PAPSS2: variants seen among roughly 807,000 people sequenced by gnomAD.
PAPSS2 encodes the protein 3'-phosphoadenosine 5'-phosphosulfate synthase 2.
Under a neutral mutation model 66.5 loss-of-function variants are expected in PAPSS2, and 61 were observed. That is an observed-to-expected ratio of 0.92 (90% CI 0.75 to 1.14). The LOEUF (loss-of-function observed/expected upper bound fraction) is 1.14. Ranked by LOEUF, PAPSS2 falls within the 50% of genes most tolerant of loss-of-function variation. PAPSS2 has a pLI of 0.00. For synonymous variants in PAPSS2, 289 were observed against 287.5 expected (o/e 1.01, Z -0.05); for missense variants, 708 against 789.6 (o/e 0.90, Z 1.24).
At chr10:87,699,341 T>G (rs565915534) in intron 1 of PAPSS2, among the ~76,000 whole-genome samples, 1 of 152,312 alleles carries the variant, frequency 6.6e-6, no homozygotes, top group South Asian at 2.1e-4. Flanking sequence ...CAGGCCGGAG[T>G]GCAATGGTGC....
Position 87,727,394 on chromosome 10 carries a change from G to A in PAPSS2, c.991G>A (p.Ala331Thr). Reference sequence around the variant, plus strand: ...CCTGGCACATGGTGGACGGAGGGTAGCTATCTTACGAGACGCTGAATTCTA... The same window carrying A: ...CCTGGCACATGGTGGACGGAGGGTAACTATCTTACGAGACGCTGAATTCTA... ...FVLAHGGRRV[A>T]ILRDAEFYEH... The change falls in exon 9 of 13, where the codon GCT becomes ACT. Residue 331 changes from alanine to threonine, a missense_variant. Ala to Thr is a moderately conservative substitution (Grantham distance 58, BLOSUM62 0). Coordinates refer to ENST00000456849, the MANE Select transcript of PAPSS2 (RefSeq NM_001015880.2). The A allele has an allele frequency of 6.2e-7, 1 of 1,614,094 alleles. No homozygotes were observed. Among genetic ancestry groups the A allele is most frequent in the Non-Finnish European group, 8.5e-7 (1 of 1,179,994 alleles).
At position 87,734,661 on chromosome 10, in the gene PAPSS2, GTGTATATATATATATA is replaced by G. The variant is rs1416281494; in HGVS notation, c.1087-6572_1087-6557del. Among the ~76,000 whole-genome samples, 20 of 90,382 alleles carry G rather than the reference GTGTATATATATATATA, an allele frequency of 2.2e-4. No homozygotes were observed. In the East Asian group the frequency reaches 4.2e-3, roughly 19 times the overall value. The allele number at this position is 90,382 out of a possible 152,430, so 59.3% of individuals were successfully genotyped here. ...ACTGATAGCACAGAAATGAATGTGT[GTGTATATATATATATA>G]TATATATATATATATATATATATAT... On this transcript the variant is annotated intron_variant, in intron 9 of 12. Coordinates refer to ENST00000456849, the MANE Select transcript of PAPSS2 (RefSeq NM_001015880.2).
In PAPSS2 at chr10:87,660,225, G is replaced by A; in HGVS notation, c.27+217G>A. 8.1e-6 allele frequency: 5 copies of A among 614,894 alleles called. No individual in the cohort carries two copies. The South Asian group carries it at 9.7e-5, about 12-fold the overall frequency. 38.1% of individuals were successfully genotyped at this position (614,894 alleles called of 1,614,324 possible). On this transcript the variant is annotated intron_variant, in intron 1 of 12. Transcript: ENST00000456849. ...AGCCCCTCTCCACCCCGCGACTCTG[G>A]GAATCTGCGCTCCTTGGGGTCGCCG...
chr10:87,744,945 C>T (rs1277194758), intron 11 of PAPSS2, 57 bp from the exon 12 acceptor site: 2 of 1,452,600 alleles, frequency 1.4e-6, no homozygotes, highest in Non-Finnish European at 1.9e-6. Context: ...CTCCATAAAC[C>T]ATGACCTACA....
intron 9 of PAPSS2, among the ~76,000 whole-genome samples, chr10:87,729,911 G>T (rs935037286): frequency 6.6e-6 from 1 of 152,084 alleles, no homozygotes; most frequent in South Asian, 2.1e-4. Context: ...CAGGAGAATC[G>T]CTTGAACCCA....
intron 1 of PAPSS2, among the ~76,000 whole-genome samples, chr10:87,700,289 G>A (rs1472265327): frequency 1.3e-5 from 2 of 152,116 alleles, no homozygotes; most frequent in South Asian, 2.1e-4. Flanking sequence ...TTTTATGTTC[G>A]CAACAAAACT....
chr10:87,662,783 A>G (rs1008128701), intron 1 of PAPSS2, among the ~76,000 whole-genome samples: 1 of 152,214 alleles, frequency 6.6e-6, no homozygotes, highest in Admixed American at 6.5e-5. Context: ...ATCAAATAGG[A>G]AAACAATTGG....
At chr10:87,698,121 G>A (rs538496317) in intron 1 of PAPSS2, among the ~76,000 whole-genome samples, 10 of 151,978 alleles carry the variant, frequency 6.6e-5, no homozygotes, top group Admixed American at 3.9e-4. Context: ...CTTTGTCATC[G>A]TTGTTGCAAT....
chr10:87,725,538 T>C (rs4934367), intron 8 of PAPSS2, among the ~76,000 whole-genome samples: 79,053 of 152,022 alleles, frequency 0.52, 21,780 homozygotes, highest in East Asian at 0.71. Flanking sequence ...TGTGGTTGCG[T>C]TAGCAAGACC....
At position 87,734,520 on chromosome 10, in the gene PAPSS2, C is replaced by CTG. The variant is rs748094658; in HGVS notation, c.1087-6712_1087-6711dup. Reference sequence around the variant, plus strand: ...GGGTCTTGGCTTTGGTAAGAAAGCTCTGTGCACTTGAACTCTGCCACTTCC... The same window carrying CTG: ...GGGTCTTGGCTTTGGTAAGAAAGCTCTGTGTGCACTTGAACTCTGCCACTTCC... On this transcript the variant is annotated intron_variant, in intron 9 of 12. Transcript: ENST00000456849. Among the ~76,000 whole-genome samples, 386 of 151,828 alleles carry CTG rather than the reference C, an allele frequency of 2.5e-3. 1 individual carries two copies. The highest frequency in any genetic ancestry group is 4.3e-3 in the Non-Finnish European group (291 of 67,942).
At chr10:87,688,193 AT>A (rs1853112569) in intron 1 of PAPSS2, among the ~76,000 whole-genome samples, 1 of 151,988 alleles carries the variant, frequency 6.6e-6, no homozygotes. Context: ...AATATATAAT[AT>A]TCTAGTTAAA....
intron 1 of PAPSS2, among the ~76,000 whole-genome samples, chr10:87,663,106 CTTTTTTTTTT>C (rs1184871976): frequency 1.5e-5 from 1 of 67,606 alleles, no homozygotes; most frequent in African/African-American, 6.5e-5. Flanking sequence ...GAAGTAGCCA[CTTTTTTTTTT>C]TTTTTTTTTT....
At chr10:87,729,581 A>G (rs576585446) in intron 9 of PAPSS2, among the ~76,000 whole-genome samples, 1 of 152,176 alleles carries the variant, frequency 6.6e-6, no homozygotes, top group African/African-American at 2.4e-5. Flanking sequence ...AGATCCAACA[A>G]TATTTGAATT....
At chr10:87,724,070 A>AT in intron 8 of PAPSS2, among the ~76,000 whole-genome samples, 1 of 152,294 alleles carries the variant, frequency 6.6e-6, no homozygotes, top group Admixed American at 6.5e-5. Flanking sequence ...TGTGAGTATA[A>AT]TTGAGAGAAT....
In PAPSS2 at chr10:87,715,827, T is replaced by C. The variant is rs529851319; in HGVS notation, c.849T>C (p.Phe283=). 1.9e-5 allele frequency: 30 copies of C among 1,590,980 alleles called. No individual in the cohort carries two copies. In the Admixed American group the frequency reaches 4.8e-4, roughly 26 times the overall value. The change falls in exon 7 of 13, where the codon TTT becomes TTC. Residue 283 remains phenylalanine (F), a synonymous_variant. Transcript: ENST00000456849. ...REKEYLQVMH[F]DTLLDGMALP... ...AGGAGTACTTACAGGTTATGCACTT[T>C]GACACCCTGCTAGATGGTATGTTTT...
At chr10:87,733,241 G>A (rs190046034) in intron 9 of PAPSS2, among the ~76,000 whole-genome samples, 22 of 152,320 alleles carry the variant, frequency 1.4e-4, no homozygotes, top group Middle Eastern at 3.4e-3. Flanking sequence ...TATCTCCAAC[G>A]TCATTCTTGA....
chr10:87,723,146 C>T (rs1853616668), intron 8 of PAPSS2, among the ~76,000 whole-genome samples: 1 of 152,180 alleles, frequency 6.6e-6, no homozygotes, highest in African/African-American at 2.4e-5. Flanking sequence ...TTGCATTTTG[C>T]TTTATTTCGG....
chr10:87,715,721 G>A lies in PAPSS2; in HGVS notation c.754-11G>A, dbSNP rs368741177. The stretch of plus-strand genomic sequence containing the variant: ...TTATGAAAATGTTCAACTACTTTTT[G>A]TGTTTTGCAGCTGGATCTCCAGTGG... On this transcript the variant is annotated splice_polypyrimidine_tract_variant and intron_variant, in intron 6 of 12. Transcript: ENST00000456849. 1.0e-5 allele frequency: 16 copies of A among 1,566,430 alleles called. No individual in the cohort carries two copies. In the African/African-American group the frequency reaches 1.9e-4, roughly 18 times the overall value.
At chr10:87,701,247 T>TC (rs1309590185) in intron 1 of PAPSS2, among the ~76,000 whole-genome samples, 3 of 148,600 alleles carry the variant, frequency 2.0e-5, no homozygotes, top group African/African-American at 5.0e-5. Flanking sequence ...CTTTTTTCTT[T>TC]TTTCTTTCTT....
Sources: gnomAD v4.1 joint callset for allele counts (sites outside exome capture counted in the v4.1 genomes callset) on GRCh38, gnomAD v4.1.1 for gene constraint, MANE v1.5 for transcripts, NCBI Gene and HGNC (gene_info 2026-07-23, HGNC 2026-07-21) for gene names.